The following SHROOM4 variants were observed in gnomAD, a reference collection of about 807,000 sequenced individuals.
SHROOM4 encodes shroom family member 4.
Under a neutral mutation model 80.3 loss-of-function variants are expected in SHROOM4, and 17 were observed. The ratio of observed to expected loss-of-function variants is 0.21; its 90% CI spans 0.14 to 0.32. The LOEUF (loss-of-function observed/expected upper bound fraction) is 0.32. Ranked by LOEUF, SHROOM4 falls within the 10% of genes least tolerant of loss-of-function variation. The probability of loss-of-function intolerance (pLI) is 1.00; values close to 1 mark genes in which losing one functional copy is unlikely to be tolerated. For synonymous variants in SHROOM4, 400 were observed against 437.5 expected (o/e 0.91, Z 1.07); for missense variants, 993 against 1,140.3 (o/e 0.87, Z 1.86).
At chrX:50,792,805 AAAGAT>A (rs1935880115) in intron 1 of SHROOM4, among the ~76,000 whole-genome samples, 1 of 106,818 alleles carries the variant, frequency 9.4e-6, no homozygotes, top group African/African-American at 3.4e-5. Context: ...TTTTTTGAGA[AAAGAT>A]AAGTGTTGGA....
chrX:50,782,771 C>T (rs1173871588), intron 1 of SHROOM4, among the ~76,000 whole-genome samples: 1 of 111,669 alleles, frequency 9.0e-6, no homozygotes, highest in Non-Finnish European at 1.9e-5. Flanking sequence ...AGGACAAATA[C>T]TACATGATTC....
chrX:50,619,871 G>T (rs1250303061), intron 5 of SHROOM4, among the ~76,000 whole-genome samples: 1 of 110,278 alleles, frequency 9.1e-6, no homozygotes, highest in Non-Finnish European at 1.9e-5. Flanking sequence ...TATTGGTGGG[G>T]GTGTGTGTGA....
intron 2 of SHROOM4, chrX:50,643,231 C>A (rs1393874212): frequency 9.0e-6 from 1 of 111,356 alleles, no homozygotes; most frequent in Admixed American, 9.5e-5. Context: ...TCTTAGGAAG[C>A]AAAAAGAAAG....
chrX:50,652,291 G>A (rs1932123885), intron 2 of SHROOM4, among the ~76,000 whole-genome samples: 1 of 112,058 alleles, frequency 8.9e-6, no homozygotes, highest in South Asian at 3.7e-4. Flanking sequence ...GGAGTGAGAT[G>A]GTATCTCATT....
Position 50,628,123 on chromosome X carries a change from G to A in SHROOM4, c.2896-448C>T, listed in dbSNP as rs782306301. Among the ~76,000 whole-genome samples the A allele has an allele frequency of 5.4e-5, 6 of 111,780 alleles. No homozygotes were observed. In the South Asian group the frequency reaches 2.3e-3, roughly 43 times the overall value. ...AGCCCTGACCCTTGAGGGGGGCTTT[G>A]AGGGCAGAAGCTCCGGCTGCAGCAA... On this transcript the variant is annotated intron_variant, in intron 4 of 8. Coordinates refer to ENST00000376020, the MANE Select transcript of SHROOM4 (RefSeq NM_020717.5).
chrX:50,602,112 C>T (rs782793810), intron 7 of SHROOM4, among the ~76,000 whole-genome samples: 13 of 103,078 alleles, frequency 1.3e-4, no homozygotes, highest in African/African-American at 4.7e-4. Flanking sequence ...TTTTTTGAGA[C>T]TGAGTTTCAC....
intron 6 of SHROOM4, among the ~76,000 whole-genome samples, chrX:50,606,356 G>A (rs919219680): frequency 9.1e-6 from 1 of 109,748 alleles, no homozygotes; most frequent in Admixed American, 9.7e-5. Flanking sequence ...AGATTTGTCT[G>A]ACAATAAAAG....
At chrX:50,606,061 G>A (rs1557248438) in intron 6 of SHROOM4, among the ~76,000 whole-genome samples, 1 of 101,390 alleles carries the variant, frequency 9.9e-6, no homozygotes, top group African/African-American at 3.5e-5. Context: ...CAGCCACATG[G>A]GATCTAATGA....
intron 2 of SHROOM4, among the ~76,000 whole-genome samples, chrX:50,692,385 C>T (rs1173037504): frequency 5.4e-5 from 6 of 111,916 alleles, no homozygotes; most frequent in African/African-American, 1.6e-4. Flanking sequence ...TGATGCTCTC[C>T]CAATTTAACA....
chrX:50,795,143 T>TG (rs1569549162), intron 1 of SHROOM4, among the ~76,000 whole-genome samples: 382 of 2,669 alleles, frequency 0.14, 78 homozygotes, highest in African/African-American at 0.22. Context: ...TATATATATA[T>TG]ATGATATATA....
In SHROOM4 at chrX:50,607,487, T is replaced by C. The variant is rs782171393; in HGVS notation, c.3655A>G (p.Ile1219Val). 6 of 1,209,349 alleles carry C rather than the reference T, an allele frequency of 5.0e-6. No individual in the cohort carries two copies. The Admixed American group carries it at 8.8e-5, about 18-fold the overall frequency. The change falls in exon 6 of 9, where the codon ATA becomes GTA. Residue 1219 changes from isoleucine (I) to valine (V), a missense_variant. Physicochemically the swap from Ile to Val is conservative, Grantham distance 29. Coordinates refer to ENST00000376020, the MANE Select transcript of SHROOM4 (RefSeq NM_020717.5). Reference sequence around the variant, plus strand: ...GGTTGAGATCCCAAGTGACCCCTTATTGGAGGCAAGAAATCACTGGAATGG... The same window carrying C: ...GGTTGAGATCCCAAGTGACCCCTTACTGGAGGCAAGAAATCACTGGAATGG... ...ALHSSDFLPP[I>V]RGHLGSQPEQ...
intron 1 of SHROOM4, among the ~76,000 whole-genome samples, chrX:50,762,018 T>C (rs1409977249): frequency 8.9e-6 from 1 of 112,007 alleles, no homozygotes; most frequent in Non-Finnish European, 1.9e-5. Flanking sequence ...ACTAACTTAA[T>C]TACAGTAAGA....
Position 50,591,536 on chromosome X carries a change from T to C in SHROOM4, c.*5159A>G. ...TTCCAATCCATGAACATGGAGTGTC[T>C]TTCCATTTATTTTGATCTTCTCTAA... is the stretch of plus-strand genomic sequence containing the variant. On this transcript the variant is annotated 3_prime_UTR_variant, in exon 9 of 9. Coordinates refer to ENST00000376020, the MANE Select transcript of SHROOM4 (RefSeq NM_020717.5). The C allele has an allele frequency of 4.4e-6, 1 of 227,959 alleles. No homozygotes were observed. Among genetic ancestry groups the C allele is most frequent in the Non-Finnish European group, 8.0e-6 (1 of 125,236 alleles). 18.8% of individuals were successfully genotyped at this position (227,959 alleles called of 1,213,427 possible). A position where few individuals can be genotyped will look rare whatever the true frequency, so the allele number is the denominator to read the frequency against.
intron 1 of SHROOM4, among the ~76,000 whole-genome samples, chrX:50,716,077 T>C (rs192339799): frequency 1.3e-4 from 14 of 109,717 alleles, no homozygotes; most frequent in Non-Finnish European, 2.7e-4. Flanking sequence ...CTGGAGGACA[T>C]TACGTTAGGT....
chrX:50,692,989 G>A (rs1367254158), intron 2 of SHROOM4, among the ~76,000 whole-genome samples: 3 of 111,811 alleles, frequency 2.7e-5, no homozygotes, highest in Non-Finnish European at 3.8e-5. Flanking sequence ...ATGATGATGT[G>A]TTAGGTTTGG....
At chrX:50,623,440 G>A (rs1307856794) in intron 5 of SHROOM4, among the ~76,000 whole-genome samples, 1 of 110,942 alleles carries the variant, frequency 9.0e-6, no homozygotes, top group East Asian at 2.8e-4. Context: ...TGCCGGCTTC[G>A]GCCTACCAAA....
At chrX:50,813,025 C>T (rs781825169) in intron 1 of SHROOM4, among the ~76,000 whole-genome samples, 4 of 111,614 alleles carry the variant, frequency 3.6e-5, no homozygotes, top group Non-Finnish European at 7.5e-5. Flanking sequence ...CTCACCCCTA[C>T]GGGGGAGGCT....
At chrX:50,584,449 A>G (rs1928722235), downstream of SHROOM4, among the ~76,000 whole-genome samples, 1 of 111,860 alleles carries the variant, frequency 8.9e-6, no homozygotes, top group Non-Finnish European at 1.9e-5. Flanking sequence ...TTTGAAACCT[A>G]TCAAAATGAC....
At chrX:50,656,358 G>C (rs1361978654) in intron 2 of SHROOM4, among the ~76,000 whole-genome samples, 1 of 111,968 alleles carries the variant, frequency 8.9e-6, no homozygotes, top group Non-Finnish European at 1.9e-5. Flanking sequence ...TTTTCCATAT[G>C]TTTCCTTGTA....
Sources: allele counts gnomAD v4.1 joint callset (sites outside exome capture counted in the v4.1 genomes callset), GRCh38; gene constraint gnomAD v4.1.1; transcripts MANE v1.5; gene names NCBI Gene and HGNC (gene_info 2026-07-23, HGNC 2026-07-21).